ZDHHC2: variants seen among roughly 807,000 people sequenced by gnomAD.
ZDHHC2 encodes the protein palmitoyltransferase ZDHHC2.
In ZDHHC2, 51 loss-of-function variants were observed where a neutral mutation model predicts 55.6. The ratio of observed to expected loss-of-function variants is 0.92; its 90% CI spans 0.73 to 1.16. The LOEUF (loss-of-function observed/expected upper bound fraction) is 1.16. Among genes scored for constraint, ZDHHC2 ranks in the 50% most tolerant of loss-of-function variants. The pLI is 0.00. For missense variants in ZDHHC2, 491 were observed against 442.4 expected, an observed-to-expected ratio of 1.11 and a Z score of -0.99; for synonymous variants, 199 against 152.9, an observed-to-expected ratio of 1.30 and a Z score of -2.22.
chr8:17,210,094 A>T, intron 9 of ZDHHC2, 36 bp downstream of exon 9: 1 of 1,561,818 alleles, frequency 6.4e-7, no homozygotes, highest in Non-Finnish European at 8.7e-7. Flanking sequence ...CTTTAAACTA[A>T]TGAAAATAAT....
intron 1 of ZDHHC2, among the ~76,000 whole-genome samples, chr8:17,171,638 G>T (rs1220910158): frequency 1.3e-5 from 2 of 152,136 alleles, no homozygotes; most frequent in East Asian, 3.9e-4. Context: ...TTTCTGTCGA[G>T]TAGAGCTGCT....
At chr8:17,213,665 A>G (rs1225609680) in intron 10 of ZDHHC2, among the ~76,000 whole-genome samples, 2 of 152,140 alleles carry the variant, frequency 1.3e-5, no homozygotes, top group Non-Finnish European at 2.9e-5. Flanking sequence ...AAGAACAAAG[A>G]CTTTGTTTAT....
At chr8:17,214,985 A>T (rs140354473) in intron 10 of ZDHHC2, among the ~76,000 whole-genome samples, 1 of 152,284 alleles carries the variant, frequency 6.6e-6, no homozygotes, top group Non-Finnish European at 1.5e-5. Flanking sequence ...TATTCTCTGG[A>T]GATTTTCCAG....
intron 1 of ZDHHC2, among the ~76,000 whole-genome samples, chr8:17,159,820 A>C (rs1804245798): frequency 6.6e-6 from 1 of 152,124 alleles, no homozygotes; most frequent in South Asian, 2.1e-4. Flanking sequence ...TTGATTAACG[A>C]GGCTCTTCTA....
intron 1 of ZDHHC2, among the ~76,000 whole-genome samples, chr8:17,162,059 T>C (rs1349357823): frequency 1.3e-5 from 2 of 152,200 alleles, no homozygotes; most frequent in Non-Finnish European, 2.9e-5. Context: ...TGATCCGTGC[T>C]CCCATTTTAC....
At chr8:17,162,488 T>C (rs186598904) in intron 1 of ZDHHC2, among the ~76,000 whole-genome samples, 1 of 152,302 alleles carries the variant, frequency 6.6e-6, no homozygotes, top group Admixed American at 6.5e-5. Flanking sequence ...GACGGGATGG[T>C]TTCTTTATTC....
At position 17,156,834 on chromosome 8, in the gene ZDHHC2, C is replaced by G; in HGVS notation, c.111C>G (p.Tyr37Ter). ...TGCTCGGCTGGTCCTACTACGCCTA[C>G]GCCATCCAGCTGTGCATAGGTGAGT... ...TLLLGWSYYA[Y>*]AIQLCIVSME... The change falls in exon 1 of 13, where the codon TAC becomes TAG. Residue 37 changes from tyrosine to a stop codon, truncating the protein, a stop_gained. Coordinates refer to ENST00000262096, the MANE Select transcript of ZDHHC2 (RefSeq NM_016353.5). LOFTEE classifies it high-confidence loss of function. 1 of 1,519,128 alleles carries G rather than the reference C, an allele frequency of 6.6e-7. No homozygotes were observed. Among genetic ancestry groups the G allele is most frequent in the Non-Finnish European group, 8.8e-7 (1 of 1,131,976 alleles). The allele number at this position is 1,519,128 out of a possible 1,614,324, so 94.1% of individuals were successfully genotyped here. A position where few individuals can be genotyped will look rare whatever the true frequency, so the allele number is the denominator to read the frequency against.
chr8:17,167,398 C>T (rs987601890), intron 1 of ZDHHC2, among the ~76,000 whole-genome samples: 1 of 150,428 alleles, frequency 6.6e-6, no homozygotes, highest in African/African-American at 2.5e-5. Flanking sequence ...CTCTGCCTCC[C>T]GAGTTCAAGT....
intron 3 of ZDHHC2, 95 bp downstream of exon 3, chr8:17,186,520 T>A: frequency 2.8e-6 from 2 of 724,774 alleles, no homozygotes; most frequent in Non-Finnish European, 2.1e-6. Context: ...GTTGCAAACT[T>A]ATTGAGTTTA....
intron 6 of ZDHHC2, among the ~76,000 whole-genome samples, chr8:17,200,616 A>G (rs1806709058): frequency 6.6e-6 from 1 of 152,232 alleles, no homozygotes; most frequent in African/African-American, 2.4e-5. Context: ...TACTCACAAA[A>G]TTACAAAAAG....
intron 3 of ZDHHC2, among the ~76,000 whole-genome samples, chr8:17,189,302 G>A (rs376596852): frequency 2.6e-5 from 4 of 151,520 alleles, no homozygotes; most frequent in Non-Finnish European, 4.4e-5. Flanking sequence ...CACTACCCTC[G>A]GCTTTCCCTG....
chr8:17,209,267 T>C (rs961652137), intron 8 of ZDHHC2, among the ~76,000 whole-genome samples: 1 of 152,140 alleles, frequency 6.6e-6, no homozygotes, highest in African/African-American at 2.4e-5. Flanking sequence ...TTGGACAAAC[T>C]AGTTTAAAAG....
rs143744333 is a variant in ZDHHC2, at chr8:17,196,036, C to T, written c.373+412C>T. ...CATGTATTTTTTCGTAAACTTAGAACAGTCATATAGGTGATGTAAAATTTC... is the reference window on the plus strand; with the variant it reads ...CATGTATTTTTTCGTAAACTTAGAATAGTCATATAGGTGATGTAAAATTTC... On this transcript the variant is annotated intron_variant, in intron 4 of 12. Coordinates refer to ENST00000262096, the MANE Select transcript of ZDHHC2 (RefSeq NM_016353.5). Among the ~76,000 whole-genome samples, 29 of 152,248 alleles carry T rather than the reference C, an allele frequency of 1.9e-4. 1 individual carries two copies. The highest frequency in any genetic ancestry group is 6.5e-4 in the African/African-American group (27 of 41,548).
chr8:17,173,679 C>CT (rs1804978913), intron 1 of ZDHHC2, among the ~76,000 whole-genome samples: 1 of 85,636 alleles, frequency 1.2e-5, no homozygotes, highest in Non-Finnish European at 3.7e-5. Context: ...AAGACCCTGT[C>CT]TTAAAAAAAA....
intron 2 of ZDHHC2, among the ~76,000 whole-genome samples, chr8:17,185,913 A>G (rs978637881): frequency 1.3e-5 from 2 of 152,326 alleles, no homozygotes; most frequent in South Asian, 2.1e-4. Context: ...CAGCTTCTCA[A>G]ATAGGAACTG....
chr8:17,207,466 T>C (rs1016750919), intron 7 of ZDHHC2, among the ~76,000 whole-genome samples: 1 of 152,202 alleles, frequency 6.6e-6, no homozygotes, highest in African/African-American at 2.4e-5. Flanking sequence ...TGTGTTGTTA[T>C]ATGTATTCAT....
chr8:17,183,266 G>T (rs1246837872), intron 1 of ZDHHC2, among the ~76,000 whole-genome samples: 2 of 152,184 alleles, frequency 1.3e-5, no homozygotes, highest in Non-Finnish European at 2.9e-5. Flanking sequence ...TGGAAATTTT[G>T]ATCCAGAAAA....
At chr8:17,173,988 G>C (rs1804995819) in intron 1 of ZDHHC2, among the ~76,000 whole-genome samples, 1 of 152,148 alleles carries the variant, frequency 6.6e-6, no homozygotes, top group South Asian at 2.1e-4. Context: ...AAAATGATGT[G>C]AACGTACAGA....
In ZDHHC2 at chr8:17,156,819, G is replaced by A; in HGVS notation, c.96G>A (p.Trp32Ter). Residue 32 changes from tryptophan (W) to a stop codon, truncating the protein, a stop_gained, in exon 1 of 13, where the codon TGG (tryptophan) becomes TGA (stop). Coordinates refer to ENST00000262096, the MANE Select transcript of ZDHHC2 (RefSeq NM_016353.5). LOFTEE classifies it high-confidence loss of function. ...PVVFITLLLG[W>*]SYYAYAIQLC... is the part of the protein sequence containing the mutation. ...TGTTCATCACCCTCCTGCTCGGCTG[G>A]TCCTACTACGCCTACGCCATCCAGC... The A allele has an allele frequency of 6.6e-7, 1 of 1,521,138 alleles. No homozygotes were observed. Among genetic ancestry groups the A allele is most frequent in the Non-Finnish European group, 8.8e-7 (1 of 1,133,026 alleles). 94.2% of individuals were successfully genotyped at this position (1,521,138 alleles called of 1,614,324 possible).
Sources: allele counts gnomAD v4.1 joint callset (sites outside exome capture counted in the v4.1 genomes callset), GRCh38; gene constraint gnomAD v4.1.1; transcripts MANE v1.5; gene names NCBI Gene and HGNC (gene_info 2026-07-23, HGNC 2026-07-21).